NTM: variants seen among roughly 807,000 people sequenced by gnomAD.
NTM encodes the protein IgLON family member 2.
Under a neutral mutation model 42.1 loss-of-function variants are expected in NTM, and 13 were observed. The ratio of observed to expected loss-of-function variants is 0.31; its 90% CI spans 0.20 to 0.49. NTM has a LOEUF of 0.49. NTM is among the 20% of genes least tolerant of loss of function. The pLI is 0.99. For synonymous variants in NTM, 187 were observed against 179.2 expected (o/e 1.04, Z -0.35); for missense variants, 373 against 452.8 (o/e 0.82, Z 1.60).
intron 1 of NTM, among the ~76,000 whole-genome samples, chr11:131,849,021 G>T (rs757301665): frequency 6.6e-6 from 1 of 152,110 alleles, no homozygotes; most frequent in Non-Finnish European, 1.5e-5. Context: ...CTATAAAATA[G>T]GTGTATAATC....
chr11:131,483,112 A>G (rs1953788619), intron 1 of NTM, among the ~76,000 whole-genome samples: 1 of 152,194 alleles, frequency 6.6e-6, no homozygotes. Context: ...ACTGGGTCAT[A>G]TGGGGTTCTG....
intron 2 of NTM, among the ~76,000 whole-genome samples, chr11:131,956,419 A>T (rs1307159964): frequency 6.6e-6 from 1 of 152,184 alleles, no homozygotes; most frequent in African/African-American, 2.4e-5. Flanking sequence ...ATTTATTCTC[A>T]GTAGAGGTGA....
intron 2 of NTM, among the ~76,000 whole-genome samples, chr11:132,098,890 C>T (rs1400281555): frequency 6.6e-6 from 1 of 152,240 alleles, no homozygotes; most frequent in African/African-American, 2.4e-5. Flanking sequence ...GCAGCTTGGA[C>T]TGTTTTGATC....
chr11:131,379,776 G>A (rs1591507373), intron 1 of NTM, among the ~76,000 whole-genome samples: 1 of 152,002 alleles, frequency 6.6e-6, no homozygotes, highest in South Asian at 2.1e-4. Context: ...TCTTTACTAG[G>A]TTAAATATTC....
chr11:131,492,480 T>C lies in NTM; in HGVS notation c.82+121592T>C, dbSNP rs147919678. Among the ~76,000 whole-genome samples, 33 of 152,312 alleles carry C rather than the reference T, an allele frequency of 2.2e-4. No individual in the cohort carries two copies. In the East Asian group the frequency reaches 6.2e-3, roughly 28 times the overall value. On this transcript the variant is annotated intron_variant, in intron 1 of 8. Coordinates refer to ENST00000683400, the MANE Select transcript of NTM (RefSeq NM_001352005.2). Reference sequence around the variant, plus strand: ...TAAAAAGGCATTGTTATTATCCCAATGTTACCAAAGAAAAATATGTAGCTT... The same window carrying C: ...TAAAAAGGCATTGTTATTATCCCAACGTTACCAAAGAAAAATATGTAGCTT...
intron 1 of NTM, among the ~76,000 whole-genome samples, chr11:131,464,887 A>G (rs1951745448): frequency 6.6e-6 from 1 of 152,230 alleles, no homozygotes; most frequent in Admixed American, 6.5e-5. Context: ...GTCTGGGTTG[A>G]TAGCTCTGCT....
intron 2 of NTM, among the ~76,000 whole-genome samples, chr11:132,011,891 TC>T (rs2072285261): frequency 6.6e-6 from 1 of 152,202 alleles, no homozygotes; most frequent in Non-Finnish European, 1.5e-5. Flanking sequence ...CCTTCTTTAT[TC>T]CCAATCCCTG....
intron 4 of NTM, among the ~76,000 whole-genome samples, chr11:132,245,275 G>C (rs1475545467): frequency 6.6e-6 from 1 of 152,148 alleles, no homozygotes; most frequent in Non-Finnish European, 1.5e-5. Flanking sequence ...AGGCGGGGGA[G>C]AGGTCAGAAA....
intron 1 of NTM, among the ~76,000 whole-genome samples, chr11:131,518,076 G>A (rs985710282): frequency 6.6e-6 from 1 of 152,188 alleles, no homozygotes; most frequent in Admixed American, 6.5e-5. Context: ...TTCTCAGAGT[G>A]TTGAGAGGTG....
At chr11:131,681,221 G>C (rs1321238840) in intron 1 of NTM, among the ~76,000 whole-genome samples, 1 of 60,932 alleles carries the variant, frequency 1.6e-5, no homozygotes, top group African/African-American at 4.3e-5. Flanking sequence ...CTGTGTCTGT[G>C]TGTATGTCTC....
intron 1 of NTM, among the ~76,000 whole-genome samples, chr11:131,548,803 G>A (rs2054278693): frequency 6.6e-6 from 1 of 152,142 alleles, no homozygotes; most frequent in African/African-American, 2.4e-5. Context: ...CAAGCCCACA[G>A]CAAACTTCCA....
intron 1 of NTM, among the ~76,000 whole-genome samples, chr11:131,682,877 G>A (rs565564749): frequency 3.0e-4 from 46 of 151,968 alleles, no homozygotes; most frequent in African/African-American, 1.0e-3. Flanking sequence ...AGCATGTTGC[G>A]CCCACACTCC....
chr11:132,307,854 C>T (rs371677343), intron 5 of NTM, 31 bp downstream of exon 5: 79 of 1,607,530 alleles, frequency 4.9e-5, no homozygotes, highest in South Asian at 1.7e-4. Flanking sequence ...GCGCCCTGCA[C>T]GTGCATCAGG....
At chr11:131,665,259 G>A (rs781737510) in intron 1 of NTM, among the ~76,000 whole-genome samples, 1 of 152,266 alleles carries the variant, frequency 6.6e-6, no homozygotes, top group East Asian at 1.9e-4. Flanking sequence ...TTGTACTACA[G>A]GGTAACAAAT....
At chr11:131,493,916 T>C (rs1380099601) in intron 1 of NTM, among the ~76,000 whole-genome samples, 1 of 152,194 alleles carries the variant, frequency 6.6e-6, no homozygotes. Flanking sequence ...CTCTGTAGCC[T>C]CTTATTTCAA....
intron 1 of NTM, among the ~76,000 whole-genome samples, chr11:131,893,268 G>A (rs572004283): frequency 6.6e-6 from 1 of 152,280 alleles, no homozygotes; most frequent in Non-Finnish European, 1.5e-5. Context: ...GAGAATGTAG[G>A]AGGAGCAGAG....
At chr11:131,656,675 G>A (rs1239455309) in intron 1 of NTM, among the ~76,000 whole-genome samples, 1 of 152,124 alleles carries the variant, frequency 6.6e-6, no homozygotes, top group African/African-American at 2.4e-5. Flanking sequence ...TAAGAGCTGG[G>A]GAGGAGGAGG....
At chr11:131,999,109 C>T (rs2846794) in intron 2 of NTM, among the ~76,000 whole-genome samples, 121,257 of 152,006 alleles carry the variant, frequency 0.8, 48,661 homozygotes, top group East Asian at 0.93. Context: ...CCATTACCAT[C>T]GTGTGTGCTC....
At chr11:131,677,492 T>C (rs1376451259) in intron 1 of NTM, among the ~76,000 whole-genome samples, 1 of 152,166 alleles carries the variant, frequency 6.6e-6, no homozygotes, top group African/African-American at 2.4e-5. Flanking sequence ...TGGGGAAAGA[T>C]GAAAGCCAGG....
Sources: allele counts gnomAD v4.1 joint callset (sites outside exome capture counted in the v4.1 genomes callset), GRCh38; gene constraint gnomAD v4.1.1; transcripts MANE v1.5; gene names NCBI Gene and HGNC (gene_info 2026-07-23, HGNC 2026-07-21).